Variants in SP1 observed in about 807,000 individuals in gnomAD.
SP1 encodes the protein transcription factor Sp1.
In SP1, 6 loss-of-function variants were observed where a neutral mutation model predicts 66.3. The ratio of observed to expected loss-of-function variants is 0.09; its 90% CI spans 0.05 to 0.18. The LOEUF (loss-of-function observed/expected upper bound fraction) is 0.18, where lower values mean the gene tolerates loss of function less well. Among genes scored for constraint, SP1 ranks in the 10% least tolerant of loss-of-function variants. The pLI, the probability that SP1 is intolerant of heterozygous loss-of-function variation, is 1.00. For synonymous variants in SP1, 417 were observed against 360.8 expected (o/e 1.16, Z -1.77); for missense variants, 848 against 964.5 (o/e 0.88, Z 1.60).
At chr12:53,405,215 GC>G (rs1938706018) in intron 3 of SP1, among the ~76,000 whole-genome samples, 1 of 152,064 alleles carries the variant, frequency 6.6e-6, no homozygotes, top group Non-Finnish European at 1.5e-5. Flanking sequence ...CTAATCTCAA[GC>G]AGTTCTCCTG....
intron 5 of SP1, among the ~76,000 whole-genome samples, chr12:53,409,983 C>G (rs1266628779): frequency 2.0e-5 from 3 of 151,058 alleles, no homozygotes; most frequent in African/African-American, 7.3e-5. Context: ...GCACTCCAGC[C>G]TGGGCGACAG....
chr12:53,406,562 A>T, intron 3 of SP1, 23 bp from the exon 4 acceptor site: 2 of 1,610,514 alleles, frequency 1.2e-6, no homozygotes, highest in Non-Finnish European at 1.7e-6. Context: ...TCACATGTTG[A>T]CCCTTTTCTC....
rs182832010 is a variant in SP1, at chr12:53,398,948, T to C, written c.1676-7637T>C. 5.3e-5 allele frequency among the ~76,000 whole-genome samples: 8 copies of C among 152,348 alleles called. No individual in the cohort carries two copies. In the East Asian group the frequency reaches 1.5e-3, roughly 29 times the overall value. ...CCAGCCATCTTTTTGTACATTTCTGTACAATTTATAAAGAAATCTATATAT... is the reference window on the plus strand; with the variant it reads ...CCAGCCATCTTTTTGTACATTTCTGCACAATTTATAAAGAAATCTATATAT... On this transcript the variant is annotated intron_variant, in intron 3 of 5. Transcript: ENST00000327443.
At position 53,396,298 on chromosome 12, in the gene SP1, G is replaced by A. The variant is rs11170535; in HGVS notation, c.1676-10287G>A. On this transcript the variant is annotated intron_variant, in intron 3 of 5. Coordinates refer to ENST00000327443, the MANE Select transcript of SP1 (RefSeq NM_138473.3). ...TCAAAAAAAAAAAAAAGCCAGGGGC[G>A]GTGGCTCACGTCTGTAATCCCAGCA... 2.4e-4 allele frequency among the ~76,000 whole-genome samples: 36 copies of A among 147,478 alleles called. No individual in the cohort carries two copies. The East Asian group carries it at 7.1e-3, about 29-fold the overall frequency.
At chr12:53,395,438 C>T (rs946739018) in intron 3 of SP1, among the ~76,000 whole-genome samples, 1 of 152,064 alleles carries the variant, frequency 6.6e-6, no homozygotes, top group Non-Finnish European at 1.5e-5. Context: ...ATTTACCTTT[C>T]TTAAGTGCTG....
Position 53,406,600 on chromosome 12 carries a change from A to C in SP1, c.1691A>C (p.Gln564Pro), listed in dbSNP as rs1938744410. Residue 564 changes from glutamine to proline, a missense_variant, in exon 4 of 6, where the codon CAG becomes CCG. Physicochemically the swap from Gln to Pro is moderately conservative, Grantham distance 76. Around this residue, in one of 7 missense-constraint regions of SP1, gnomAD observed 606 missense variants for 589.9 expected, o/e 1.03. Coordinates refer to ENST00000327443, the MANE Select transcript of SP1 (RefSeq NM_138473.3). ...TTAATTTCAGGTGATCATGGAGCTCAGCTTGGTCTCCATGGGGCTGGTGGT... is the reference window on the plus strand; with the variant it reads ...TTAATTTCAGGTGATCATGGAGCTCCGCTTGGTCTCCATGGGGCTGGTGGT... ...IANAPGDHGA[Q>P]LGLHGAGGDG... 1 of 1,614,000 alleles carries C rather than the reference A, an allele frequency of 6.2e-7. No homozygotes were observed. The highest frequency in any genetic ancestry group is 8.5e-7 in the Non-Finnish European group (1 of 1,179,966).
intron 3 of SP1, among the ~76,000 whole-genome samples, chr12:53,393,592 CTT>C (rs35813851): frequency 1.8e-4 from 24 of 130,406 alleles, no homozygotes; most frequent in Admixed American, 3.9e-4. Context: ...CTGCATTTTC[CTT>C]TTTTTTTTTT....
At chr12:53,401,249 G>A (rs1202704775) in intron 3 of SP1, among the ~76,000 whole-genome samples, 2 of 151,346 alleles carry the variant, frequency 1.3e-5, no homozygotes, top group African/African-American at 2.4e-5. Context: ...TCGGGAGTTC[G>A]AGACCAGCCT....
chr12:53,381,689 C>G lies in SP1; in HGVS notation c.38C>G (p.Ala13Gly), dbSNP rs749514631. The G allele has an allele frequency of 8.1e-5, 131 of 1,613,300 alleles. No individual in the cohort carries two copies. The highest frequency in any genetic ancestry group is 1.1e-4 in the Non-Finnish European group (128 of 1,179,720). Residue 13 changes from alanine (A) to glycine (G), a missense_variant, in exon 2 of 6, where the codon GCT (alanine) becomes GGT (glycine). Physicochemically the swap from Ala to Gly is moderately conservative, Grantham distance 60 (BLOSUM62 0). Around this residue, in one of 7 missense-constraint regions of SP1, gnomAD observed 84 missense variants for 73.9 expected, o/e 1.14. Transcript: ENST00000327443. Reference sequence around the variant, plus strand: ...GATCACTCCATGGATGAAATGACAGCTGTGGTGAAAATTGAAAAAGGAGTT... The same window carrying G: ...GATCACTCCATGGATGAAATGACAGGTGTGGTGAAAATTGAAAAAGGAGTT... ...DQDHSMDEMT[A>G]VVKIEKGVGG...
rs556267920 is a variant in SP1, at chr12:53,415,036, C to T, written c.*3796C>T. On this transcript the variant is annotated 3_prime_UTR_variant, in exon 6 of 6. Transcript: ENST00000327443. The stretch of plus-strand genomic sequence containing the variant: ...GAAAATGTGAAATCTCAGAATTTAT[C>T]TCCCTTAGAAGAGAGCCAGTAACTT... 6.6e-6 allele frequency: 1 copy of T among 152,586 alleles called. No homozygotes were observed. Among genetic ancestry groups the T allele is most frequent in the African/African-American group, 2.4e-5 (1 of 41,430 alleles). 9.5% of individuals were successfully genotyped at this position (152,586 alleles called of 1,614,324 possible). A position where few individuals can be genotyped will look rare whatever the true frequency, so the allele number is the denominator to read the frequency against.
chr12:53,403,936 C>A (rs985214423), intron 3 of SP1, among the ~76,000 whole-genome samples: 9 of 151,642 alleles, frequency 5.9e-5, no homozygotes, highest in Non-Finnish European at 1.2e-4. Context: ...CTTTGGGAGG[C>A]CGAGGCGGGC....
Position 53,411,648 on chromosome 12 carries a change from A to G in SP1, c.*408A>G, listed in dbSNP as rs996279434. 4 of 135,626 alleles carry G rather than the reference A, an allele frequency of 2.9e-5. No homozygotes were observed. Among genetic ancestry groups the G allele is most frequent in the African/African-American group, 1.3e-4 (4 of 31,662 alleles). The allele number at this position is 135,626 out of a possible 1,614,324, so 8.4% of individuals were successfully genotyped here. On this transcript the variant is annotated 3_prime_UTR_variant, in exon 6 of 6. Transcript: ENST00000327443. ...TACTTTTTAACAAAAAACAGATTCT[A>G]TATTATTATATATATATATATATAT... is the stretch of plus-strand genomic sequence containing the variant.
At chr12:53,405,411 G>A (rs183876973) in intron 3 of SP1, among the ~76,000 whole-genome samples, 3 of 152,196 alleles carry the variant, frequency 2.0e-5, no homozygotes, top group Admixed American at 6.6e-5. Flanking sequence ...ATGCCCACCC[G>A]TAATCCCAGC....
chr12:53,408,076 A>G (rs1234574181), intron 4 of SP1, among the ~76,000 whole-genome samples: 1 of 144,622 alleles, frequency 6.9e-6, no homozygotes, highest in Non-Finnish European at 1.5e-5. Context: ...GTGAAACCCC[A>G]TCTCTACTAA....
Position 53,381,820 on chromosome 12 carries a change from G to C in SP1, c.162+7G>C, listed in dbSNP as rs1938106313. On this transcript the variant is annotated splice_region_variant and intron_variant, in intron 2 of 5. Coordinates refer to ENST00000327443, the MANE Select transcript of SP1 (RefSeq NM_138473.3). Reference sequence around the variant, plus strand: ...CACTGGAGGAGGAGGGCAGGTAAGTGATAATCATAGAGTGGGGAAGGTGTT... The same window carrying C: ...CACTGGAGGAGGAGGGCAGGTAAGTCATAATCATAGAGTGGGGAAGGTGTT... 1 of 1,609,824 alleles carries C rather than the reference G, an allele frequency of 6.2e-7. No individual in the cohort carries two copies. The highest frequency in any genetic ancestry group is 1.6e-4 in the Middle Eastern group (1 of 6,066).
intron 3 of SP1, 105 bp from the exon 4 acceptor site, chr12:53,406,480 G>C (rs1938741627): frequency 1.1e-6 from 1 of 930,404 alleles, no homozygotes; most frequent in Non-Finnish European, 1.7e-6. Context: ...TGTGAATGTA[G>C]GATGTCAGTT....
At chr12:53,399,243 T>G (rs1938553866) in intron 3 of SP1, among the ~76,000 whole-genome samples, 1 of 152,246 alleles carries the variant, frequency 6.6e-6, no homozygotes, top group South Asian at 2.1e-4. Flanking sequence ...TAAACTTTTT[T>G]GTTTTTTGTT....
intron 1 of SP1, 57 bp downstream of exon 1, chr12:53,380,355 G>C (rs1938053837): frequency 1.4e-6 from 2 of 1,405,006 alleles, no homozygotes; most frequent in South Asian, 3.0e-5. Flanking sequence ...GGGCGCGCGC[G>C]AGGGCCGACC....
At position 53,383,497 on chromosome 12, in the gene SP1, C is replaced by G. The variant is rs1565807606; in HGVS notation, c.1550C>G (p.Thr517Ser). Residue 517 changes from threonine to serine, a missense_variant, in exon 3 of 6, where the codon ACT (threonine) becomes AGT (serine). By Grantham distance (58) the Thr-to-Ser change is moderately conservative (BLOSUM62 1). Coordinates refer to ENST00000327443, the MANE Select transcript of SP1 (RefSeq NM_138473.3). ...SAASIPAGTV[T>S]VNAAQLSSMP... ...GCTTCCATTCCTGCTGGCACAGTCACTGTGAATGCTGCTCAACTCTCCTCC... is the reference window on the plus strand; with the variant it reads ...GCTTCCATTCCTGCTGGCACAGTCAGTGTGAATGCTGCTCAACTCTCCTCC... The G allele has an allele frequency of 1.2e-6, 2 of 1,614,230 alleles. No individual in the cohort carries two copies.
Sources: allele counts gnomAD v4.1 joint callset (sites outside exome capture counted in the v4.1 genomes callset), GRCh38; gene constraint gnomAD v4.1.1; regional missense constraint gnomAD v4.1.1; transcripts MANE v1.5; gene names NCBI Gene and HGNC (gene_info 2026-07-23, HGNC 2026-07-21).